The following TMTC2 variants were observed in gnomAD, a reference collection of about 807,000 sequenced individuals.
TMTC2 encodes transmembrane O-mannosyltransferase targeting cadherins 2.
In TMTC2, 43 loss-of-function variants were observed where a neutral mutation model predicts 82.4. That is an observed-to-expected ratio of 0.52 (90% CI 0.41 to 0.67). The LOEUF is 0.67. TMTC2 is among the 30% of genes least tolerant of loss of function. The pLI, the probability that TMTC2 is intolerant of heterozygous loss-of-function variation, is 0.00. For synonymous variants in TMTC2, 408 were observed against 381.9 expected (o/e 1.07, Z -0.80); for missense variants, 919 against 1,012.4 (o/e 0.91, Z 1.25).
intron 2 of TMTC2, among the ~76,000 whole-genome samples, chr12:82,875,116 G>A (rs1872416247): frequency 6.6e-6 from 1 of 151,916 alleles, no homozygotes; most frequent in Non-Finnish European, 1.5e-5. Context: ...GTGTGTTCTG[G>A]GCTGTAGTTT....
At position 83,094,723 on chromosome 12, in the gene TMTC2, G is replaced by A. The variant is rs1161520569; in HGVS notation, c.2331+32892G>A. 3.9e-5 allele frequency among the ~76,000 whole-genome samples: 6 copies of A among 152,182 alleles called. 1 individual carries two copies. Among genetic ancestry groups the A allele is most frequent in the East Asian group, 3.8e-4 (2 of 5,202 alleles). ...GTGGAGATAAAATGGACAGTGCTTGGTAATTCCTTAACAGGGACAAGGAAG... is the reference window on the plus strand; with the variant it reads ...GTGGAGATAAAATGGACAGTGCTTGATAATTCCTTAACAGGGACAAGGAAG... On this transcript the variant is annotated intron_variant, in intron 11 of 11. Coordinates refer to ENST00000321196, the MANE Select transcript of TMTC2 (RefSeq NM_152588.3).
intron 1 of TMTC2, among the ~76,000 whole-genome samples, chr12:82,718,657 G>GC (rs1488557319): frequency 6.6e-6 from 1 of 152,110 alleles, no homozygotes; most frequent in Non-Finnish European, 1.5e-5. Flanking sequence ...ACATGACAGG[G>GC]CCATTTTTGC....
chr12:82,884,892 T>A (rs569110409), intron 2 of TMTC2, among the ~76,000 whole-genome samples: 1 of 152,234 alleles, frequency 6.6e-6, no homozygotes, highest in East Asian at 1.9e-4. Context: ...TTTCAGACTT[T>A]TTTTGTTTAT....
At chr12:82,858,852 A>G (rs1871388942) in intron 2 of TMTC2, among the ~76,000 whole-genome samples, 1 of 152,192 alleles carries the variant, frequency 6.6e-6, no homozygotes. Flanking sequence ...TTAATTTCAA[A>G]TCAATTTTAA....
chr12:82,853,419 C>T (rs1196292376), intron 1 of TMTC2, among the ~76,000 whole-genome samples: 3 of 152,008 alleles, frequency 2.0e-5, no homozygotes, highest in African/African-American at 4.8e-5. Flanking sequence ...GTTTTTTTCT[C>T]ACGGTAAAAT....
intron 1 of TMTC2, among the ~76,000 whole-genome samples, chr12:82,765,706 CAA>C (rs1876915839): frequency 6.8e-6 from 1 of 147,528 alleles, no homozygotes; most frequent in East Asian, 1.9e-4. Context: ...ACAAAACAAA[CAA>C]ACAAACAAAA....
At chr12:83,031,879 T>C (rs1592705757) in intron 9 of TMTC2, among the ~76,000 whole-genome samples, 1 of 152,238 alleles carries the variant, frequency 6.6e-6, no homozygotes, top group South Asian at 2.1e-4. Context: ...AACCTAGGGT[T>C]GCAGTGCATT....
chr12:82,697,014 C>T (rs1159810697), intron 1 of TMTC2, among the ~76,000 whole-genome samples: 4 of 146,784 alleles, frequency 2.7e-5, no homozygotes, highest in South Asian at 4.4e-4. Context: ...GCTACCCTAA[C>T]TTCAACCTCT....
chr12:83,042,490 T>C (rs1449533647), intron 9 of TMTC2, among the ~76,000 whole-genome samples: 1 of 152,218 alleles, frequency 6.6e-6, no homozygotes, highest in African/African-American at 2.4e-5. Context: ...CTTTCTCTTT[T>C]GAAGCATTCT....
intron 2 of TMTC2, among the ~76,000 whole-genome samples, chr12:82,858,621 C>T (rs564770887): frequency 4.7e-5 from 7 of 150,484 alleles, no homozygotes; most frequent in Middle Eastern, 3.5e-3. Context: ...AAATGCTGTT[C>T]GAAACATCAA....
chr12:82,948,630 A>G (rs1224672035), intron 4 of TMTC2, among the ~76,000 whole-genome samples: 2 of 152,326 alleles, frequency 1.3e-5, no homozygotes, highest in East Asian at 3.9e-4. Context: ...TTGCTTTAAC[A>G]GCAGACTTTC....
intron 9 of TMTC2, among the ~76,000 whole-genome samples, chr12:83,047,379 C>T (rs573345549): frequency 1.4e-4 from 21 of 152,234 alleles, no homozygotes; most frequent in Admixed American, 7.2e-4. Flanking sequence ...TCTATGTATT[C>T]GAAATGTTTA....
At chr12:82,929,956 G>A (rs752175777) in intron 3 of TMTC2, among the ~76,000 whole-genome samples, 4 of 152,084 alleles carry the variant, frequency 2.6e-5, no homozygotes, top group African/African-American at 7.2e-5. Flanking sequence ...TGCCTGGCAA[G>A]CTTCTTTATA....
At chr12:82,805,697 G>A (rs1457644100) in intron 1 of TMTC2, among the ~76,000 whole-genome samples, 1 of 151,640 alleles carries the variant, frequency 6.6e-6, no homozygotes, top group African/African-American at 2.4e-5. Context: ...AGTAGAGACG[G>A]GGTTTCACCC....
intron 4 of TMTC2, among the ~76,000 whole-genome samples, chr12:82,962,136 C>G (rs1877968928): frequency 6.6e-6 from 1 of 151,952 alleles, no homozygotes; most frequent in Non-Finnish European, 1.5e-5. Flanking sequence ...TACTATTTAT[C>G]ATTTTTTTCT....
rs1028966740 is a variant in TMTC2 at position 83,046,516 on chromosome 12, A to G, written c.2153-4388A>G. On this transcript the variant is annotated intron_variant, in intron 9 of 11. Transcript: ENST00000321196. ...AAAAAGGTAACTTTGCAGGCCCTGT[A>G]GAATCCATCAGTCTAGACAGACTCT... Among the ~76,000 whole-genome samples the G allele has an allele frequency of 5.3e-5, 8 of 152,174 alleles. 1 individual carries two copies. Among genetic ancestry groups the G allele is most frequent in the African/African-American group, 1.9e-4 (8 of 41,454 alleles).
intron 1 of TMTC2, among the ~76,000 whole-genome samples, chr12:82,753,513 A>G (rs990342697): frequency 6.6e-6 from 1 of 152,156 alleles, no homozygotes. Flanking sequence ...CCAATGTTTT[A>G]TGTATTGGGT....
At chr12:82,892,233 G>T (rs1277354323) in intron 2 of TMTC2, among the ~76,000 whole-genome samples, 2 of 152,122 alleles carry the variant, frequency 1.3e-5, no homozygotes, top group Non-Finnish European at 2.9e-5. Flanking sequence ...TACTTTAAAT[G>T]TGAAATAATA....
chr12:82,839,681 T>C (rs982410437), intron 1 of TMTC2, among the ~76,000 whole-genome samples: 2 of 152,218 alleles, frequency 1.3e-5, no homozygotes, highest in Non-Finnish European at 2.9e-5. Context: ...GGTTGTTTTA[T>C]TAGAATCGAT....
Sources: allele counts gnomAD v4.1 joint callset (sites outside exome capture counted in the v4.1 genomes callset), GRCh38; gene constraint gnomAD v4.1.1; transcripts MANE v1.5; gene names NCBI Gene and HGNC (gene_info 2026-07-23, HGNC 2026-07-21).